ZNF362: variants seen among roughly 807,000 people sequenced by gnomAD.
ZNF362 encodes the protein rotund homolog.
Under a neutral mutation model 42.9 loss-of-function variants are expected in ZNF362, and 11 were observed. That is an observed-to-expected ratio of 0.26 (90% CI 0.16 to 0.42). The LOEUF (loss-of-function observed/expected upper bound fraction) is 0.42, where lower values mean the gene tolerates loss of function less well. Ranked by LOEUF, ZNF362 falls within the 20% of genes least tolerant of loss-of-function variation. The pLI, the probability that ZNF362 is intolerant of heterozygous loss-of-function variation, is 1.00. For synonymous variants in ZNF362, 255 were observed against 257.3 expected, an observed-to-expected ratio of 0.99 and a Z score of 0.09; for missense variants, 362 against 576.2, an observed-to-expected ratio of 0.63 and a Z score of 3.81.
chr1:33,255,090 G>A (rs150633094), upstream of ZNF362, among the ~76,000 whole-genome samples: 52 of 152,312 alleles, frequency 3.4e-4, no homozygotes, highest in East Asian at 9.3e-3. Flanking sequence ...CAGATTTCTT[G>A]TGCCCCTGCT....
the ZNF362 span, among the ~76,000 whole-genome samples, chr1:33,182,358 A>G: frequency 3.3e-5 from 5 of 152,258 alleles, no homozygotes; most frequent in Non-Finnish European, 7.3e-5. Flanking sequence ...AAAAAATCAT[A>G]TTTTGTATTA....
At chr1:33,139,001 A>T in the ZNF362 span, among the ~76,000 whole-genome samples, 2 of 152,344 alleles carry the variant, frequency 1.3e-5, no homozygotes, top group East Asian at 3.9e-4. Flanking sequence ...GTAAGCAAAA[A>T]TGCCTGCAAG....
At chr1:33,204,657 G>A in the ZNF362 span, among the ~76,000 whole-genome samples, 1 of 152,102 alleles carries the variant, frequency 6.6e-6, no homozygotes, top group Non-Finnish European at 1.5e-5. Context: ...TGGCATTTAT[G>A]AAAAACCTAC....
chr1:33,226,240 G>T, the ZNF362 span, among the ~76,000 whole-genome samples: 113 of 152,212 alleles, frequency 7.4e-4, no homozygotes, highest in African/African-American at 2.6e-3. Flanking sequence ...ATATTTTGTT[G>T]TCCCATTTTG....
chr1:33,158,836 T>TC, the ZNF362 span, among the ~76,000 whole-genome samples: 1 of 151,094 alleles, frequency 6.6e-6, no homozygotes, highest in East Asian at 1.9e-4. Flanking sequence ...TCAGTTTTTT[T>TC]CTTTTTTTTC....
chr1:33,298,826 G>A, intron 8 of ZNF362, 104 bp from the exon 9 acceptor site: 1 of 962,880 alleles, frequency 1.0e-6, no homozygotes, highest in Non-Finnish European at 1.7e-6. Context: ...TCCACCCTCT[G>A]AACCGCCTAC....
At chr1:33,148,926 G>A in the ZNF362 span, among the ~76,000 whole-genome samples, 186 of 152,248 alleles carry the variant, frequency 1.2e-3, 1 homozygote, top group African/African-American at 4.2e-3. Context: ...AACCAAGGTC[G>A]TCTGCAATCT....
chr1:33,213,315 C>T, the ZNF362 span, among the ~76,000 whole-genome samples: 41 of 152,130 alleles, frequency 2.7e-4, no homozygotes, highest in African/African-American at 8.4e-4. Context: ...TTCTTAATCA[C>T]GGCGATGATT....
chr1:33,147,674 A>C, the ZNF362 span: 3 of 1,613,774 alleles, frequency 1.9e-6, no homozygotes, highest in Non-Finnish European at 2.5e-6. The surrounding 1 kb of genome is among the most constrained non-coding windows in gnomAD (Gnocchi z 8.1). Context: ...CAGTCGTCCG[A>C]CAGGATCAGG....
chr1:33,156,209 A>G, the ZNF362 span, among the ~76,000 whole-genome samples: 31 of 152,244 alleles, frequency 2.0e-4, no homozygotes, highest in Admixed American at 9.8e-4. Flanking sequence ...CTTTCCAATC[A>G]TCTCACAGAT....
chr1:33,150,823 C>G, the ZNF362 span, among the ~76,000 whole-genome samples: 4 of 152,142 alleles, frequency 2.6e-5, no homozygotes, highest in South Asian at 8.3e-4. Flanking sequence ...GGTGGGCCAC[C>G]CCTATGACAG....
chr1:33,277,188 A>G (rs182784958), intron 4 of ZNF362, among the ~76,000 whole-genome samples: 30 of 152,356 alleles, frequency 2.0e-4, no homozygotes, highest in Non-Finnish European at 4.4e-5. Context: ...TGCTGTTGGT[A>G]TTAGGTGGAA....
At chr1:33,176,369 G>A in the ZNF362 span, 30 of 673,068 alleles carry the variant, frequency 4.5e-5, 1 homozygote, top group South Asian at 4.2e-4. Flanking sequence ...CTCCTTGGGT[G>A]GCTGCCTTGG....
the ZNF362 span, among the ~76,000 whole-genome samples, chr1:33,175,988 C>T: frequency 6.6e-6 from 1 of 152,198 alleles, no homozygotes; most frequent in Non-Finnish European, 1.5e-5. Context: ...GCAAAGGTAT[C>T]CTGGCTGCCC....
At chr1:33,234,928 T>C in the ZNF362 span, among the ~76,000 whole-genome samples, 487 of 152,262 alleles carry the variant, frequency 3.2e-3, 17 homozygotes, top group East Asian at 0.083. Context: ...CTGCTCTGCA[T>C]GGAGCCTGCT....
chr1:33,250,896 G>GAAGAAGAAGAAGAAGAAGGAGA, the ZNF362 span, among the ~76,000 whole-genome samples: 5 of 39,924 alleles, frequency 1.3e-4, no homozygotes, highest in Non-Finnish European at 2.8e-4. Flanking sequence ...GAAGAAGAAG[G>GAAGAAGAAGAAGAAGAAGGAGA]AGAAGAAGAA....
chr1:33,268,934 G>A (rs1645882431), intron 1 of ZNF362, among the ~76,000 whole-genome samples: 1 of 152,156 alleles, frequency 6.6e-6, no homozygotes, highest in South Asian at 2.1e-4. Flanking sequence ...GGTGGAGTGG[G>A]GGAACCTGTG....
At chr1:33,252,467 G>A (rs1294609540), upstream of ZNF362, among the ~76,000 whole-genome samples, 1 of 152,202 alleles carries the variant, frequency 6.6e-6, no homozygotes, top group African/African-American at 2.4e-5. Flanking sequence ...GCTCCAAAAT[G>A]GAAGGGACTC....
the ZNF362 span, among the ~76,000 whole-genome samples, chr1:33,143,560 A>G: frequency 6.6e-6 from 1 of 152,108 alleles, no homozygotes; most frequent in East Asian, 1.9e-4. Flanking sequence ...ACCCCTGCCA[A>G]CAGCCCCTCT....
Sources: gnomAD v4.1 joint callset for allele counts (sites outside exome capture counted in the v4.1 genomes callset) on GRCh38, gnomAD v4.1.1 for gene constraint, Gnocchi (gnomAD v3.1) non-coding constraint, MANE v1.5 for transcripts, NCBI Gene and HGNC (gene_info 2026-07-23, HGNC 2026-07-21) for gene names.